The following ADCY5 variants were observed in gnomAD, a reference collection of about 807,000 sequenced individuals.
ADCY5 encodes adenylate cyclase type 5.
A neutral mutation model predicts 119.7 loss-of-function variants in ADCY5; 30 were observed. The observed-to-expected ratio is 0.25, with a 90% CI of 0.19 to 0.34. The LOEUF (loss-of-function observed/expected upper bound fraction) is 0.34. ADCY5 is among the 10% of genes least tolerant of loss of function. ADCY5 has a pLI of 1.00. For missense variants in ADCY5, 1,324 were observed against 1,775.2 expected, an observed-to-expected ratio of 0.75 and a Z score of 4.57; for synonymous variants, 753 against 762.2, an observed-to-expected ratio of 0.99 and a Z score of 0.20.
rs1559883399 is a variant in ADCY5 at position 123,448,401 on chromosome 3, AG to A, written c.144del (p.Ser49LeufsTer13). The A allele has an allele frequency of 2.8e-6, 4 of 1,435,834 alleles. No individual in the cohort carries two copies. Among genetic ancestry groups the A allele is most frequent in the Non-Finnish European group, 3.6e-6 (4 of 1,100,144 alleles). 88.9% of individuals were successfully genotyped at this position (1,435,834 alleles called of 1,614,324 possible). ...RANGYPHAPG[G>X]SARGSTKKPG... ...GGTTTCTTGGTGGAGCCGCGGGCAG[AG>A]CCCCCGGGGGCATGGGGGTAGCCAT... On this transcript the variant is annotated frameshift_variant, in exon 1 of 21. Transcript: ENST00000462833. LOFTEE classifies it high-confidence loss of function.
At chr3:123,302,795 T>A (rs185889260) in intron 14 of ADCY5, among the ~76,000 whole-genome samples, 1 of 152,188 alleles carries the variant, frequency 6.6e-6, no homozygotes, top group Non-Finnish European at 1.5e-5. Flanking sequence ...CAGGTAGAGC[T>A]CTCAGCCACA....
At chr3:123,357,451 C>T (rs1322861974) in intron 1 of ADCY5, among the ~76,000 whole-genome samples, 3 of 152,280 alleles carry the variant, frequency 2.0e-5, no homozygotes, top group Admixed American at 6.5e-5. Context: ...TGTAATCTGA[C>T]TCCTCCTATA....
chr3:123,328,561 T>A, intron 6 of ADCY5, 83 bp downstream of exon 6: 180 of 1,271,728 alleles, frequency 1.4e-4, no homozygotes, highest in East Asian at 2.5e-4. Flanking sequence ...CTGCCCCGCC[T>A]CGCCTCTGCA....
chr3:123,294,698 C>T (rs1049439187), intron 17 of ADCY5, among the ~76,000 whole-genome samples: 9 of 152,188 alleles, frequency 5.9e-5, no homozygotes, highest in Non-Finnish European at 1.2e-4. Flanking sequence ...GCACAGGATC[C>T]TGGACCAGCA....
chr3:123,380,947 C>T (rs1025250919), intron 1 of ADCY5, among the ~76,000 whole-genome samples: 2 of 152,170 alleles, frequency 1.3e-5, no homozygotes, highest in Admixed American at 1.3e-4. Context: ...GACAGCAAGC[C>T]TGGGTCCCAT....
chr3:123,419,531 C>T (rs1180319693), intron 1 of ADCY5, among the ~76,000 whole-genome samples: 1 of 152,116 alleles, frequency 6.6e-6, no homozygotes, highest in South Asian at 2.1e-4. Context: ...AGTGGATCCC[C>T]TTTTACACTT....
At chr3:123,396,355 GAA>G (rs2107597746) in intron 1 of ADCY5, among the ~76,000 whole-genome samples, 1 of 134,354 alleles carries the variant, frequency 7.4e-6, no homozygotes, top group African/African-American at 2.8e-5. Flanking sequence ...AAAAGAGAGA[GAA>G]GGGAGGGAGG....
rs1202491153 is a variant in ADCY5, at chr3:123,286,439, C to T, written c.3657+246G>A. 6.6e-6 allele frequency among the ~76,000 whole-genome samples: 1 copy of T among 152,220 alleles called. No homozygotes were observed. Among genetic ancestry groups the T allele is most frequent in the Non-Finnish European group, 1.5e-5 (1 of 68,028 alleles). On this transcript the variant is annotated intron_variant, in intron 20 of 20. Transcript: ENST00000462833. The surrounding 1 kb of genome is among the most constrained non-coding windows in gnomAD (Gnocchi z 4.2). ...ACAATCAGATCCACTCCCAGCAGCC[C>T]CCAGTCCCTTCCATGCCCAGTAGAG...
At chr3:123,369,546 T>C (rs1007198961) in intron 1 of ADCY5, among the ~76,000 whole-genome samples, 2 of 152,206 alleles carry the variant, frequency 1.3e-5, no homozygotes, top group Non-Finnish European at 2.9e-5. Context: ...CTGGGAGAGC[T>C]GGCCTGAAGT....
Position 123,283,063 on chromosome 3 carries a change from T to A in ADCY5, c.*1545A>T, listed in dbSNP as rs934419894. 1 of 152,180 alleles carries A rather than the reference T, an allele frequency of 6.6e-6. No homozygotes were observed. Among genetic ancestry groups the A allele is most frequent in the African/African-American group, 2.4e-5 (1 of 41,466 alleles). 9.4% of individuals were successfully genotyped at this position (152,180 alleles called of 1,614,324 possible). On this transcript the variant is annotated 3_prime_UTR_variant, in exon 21 of 21. Coordinates refer to ENST00000462833, the MANE Select transcript of ADCY5 (RefSeq NM_183357.3). ...CACTAAAACAAAATTCCTGCTAGCT[T>A]TCCCTGTGGACTCTAAAGCTGGGCT... is the stretch of plus-strand genomic sequence containing the variant.
chr3:123,404,012 T>C (rs559806538), intron 1 of ADCY5, among the ~76,000 whole-genome samples: 2 of 152,326 alleles, frequency 1.3e-5, no homozygotes, highest in East Asian at 3.9e-4. Flanking sequence ...TAGCAAACAT[T>C]TTGATTTACA....
intron 1 of ADCY5, among the ~76,000 whole-genome samples, chr3:123,362,836 A>G (rs1400752500): frequency 1.3e-5 from 2 of 152,176 alleles, no homozygotes; most frequent in Non-Finnish European, 2.9e-5. Flanking sequence ...TTAACAATAA[A>G]TGGGTAGAAT....
At chr3:123,303,367 G>A in intron 13 of ADCY5, 148 bp from the exon 14 acceptor site, 1 of 931,056 alleles carries the variant, frequency 1.1e-6, no homozygotes, top group Non-Finnish European at 1.6e-6. Context: ...AAGAGTCTGA[G>A]GAACGGGCAA....
intron 15 of ADCY5, 134 bp from the exon 16 acceptor site, chr3:123,297,516 C>T (rs1032709503): frequency 2.0e-6 from 2 of 999,440 alleles, no homozygotes; most frequent in African/African-American, 1.6e-5. Flanking sequence ...CCCATTCACC[C>T]TCCATATCCA....
intron 10 of ADCY5, among the ~76,000 whole-genome samples, chr3:123,318,418 G>T (rs990460896): frequency 6.6e-6 from 1 of 152,134 alleles, no homozygotes; most frequent in Non-Finnish European, 1.5e-5. Flanking sequence ...CCATCTACAC[G>T]CTAGGAAACA....
intron 1 of ADCY5, among the ~76,000 whole-genome samples, chr3:123,383,430 T>C (rs1033967514): frequency 2.6e-5 from 4 of 152,218 alleles, no homozygotes; most frequent in African/African-American, 9.6e-5. Context: ...TGGCTTTATG[T>C]GGCAACTGTC....
rs1213185511 is a variant in ADCY5 at position 123,303,164 on chromosome 3, C to A, written c.2615G>T (p.Ser872Ile). ...LGCLAQEHNI[S>I]ASQVNACHVA... Reference sequence around the variant, plus strand: ...GTGACACGCGTTGACCTGGCTCGCGCTGATGTTGTGCTCCTGTGCCAAGCA... The same window carrying A: ...GTGACACGCGTTGACCTGGCTCGCGATGATGTTGTGCTCCTGTGCCAAGCA... The change falls in exon 14 of 21, where the codon AGC (serine) becomes ATC (isoleucine). Residue 872 changes from serine (S) to isoleucine (I), a missense_variant. Transcript: ENST00000462833. 8 of 1,613,758 alleles carry A rather than the reference C, an allele frequency of 5.0e-6. No homozygotes were observed. The highest frequency in any genetic ancestry group is 1.3e-5 in the African/African-American group (1 of 74,934).
chr3:123,297,666 G>A (rs747617949), intron 15 of ADCY5, among the ~76,000 whole-genome samples: 7 of 152,180 alleles, frequency 4.6e-5, no homozygotes, highest in African/African-American at 1.2e-4. Context: ...AGGCCTGCCC[G>A]CCTCTCCCCC....
intron 1 of ADCY5, among the ~76,000 whole-genome samples, chr3:123,422,792 TA>T (rs1483906898): frequency 6.6e-6 from 1 of 152,182 alleles, no homozygotes; most frequent in Non-Finnish European, 1.5e-5. Flanking sequence ...TTAGAGGCCA[TA>T]AGGCTCCAGA....
Sources: allele counts gnomAD v4.1 joint callset (sites outside exome capture counted in the v4.1 genomes callset), GRCh38; gene constraint gnomAD v4.1.1; non-coding constraint Gnocchi (gnomAD v3.1); transcripts MANE v1.5; gene names NCBI Gene and HGNC (gene_info 2026-07-23, HGNC 2026-07-21).